Variants in PTPRD observed in about 807,000 individuals in gnomAD.
The protein encoded by PTPRD is receptor-type tyrosine-protein phosphatase delta.
Under a neutral mutation model 214.5 loss-of-function variants are expected in PTPRD, and 34 were observed. The ratio of observed to expected loss-of-function variants is 0.16; its 90% confidence interval spans 0.12 to 0.21. PTPRD has a LOEUF of 0.21. PTPRD is among the 10% of genes least tolerant of loss of function. The pLI, the probability that PTPRD is intolerant of heterozygous loss-of-function variation, is 1.00. For synonymous variants in PTPRD, 1,128 were observed against 845.7 expected, an observed-to-expected ratio of 1.33 and a Z score of -5.79; for missense variants, 2,545 against 2,398.7, an observed-to-expected ratio of 1.06 and a Z score of -1.27.
chr9:9,533,035 G>T (rs1423298202), intron 8 of PTPRD, among the ~76,000 whole-genome samples: 1 of 152,078 alleles, frequency 6.6e-6, no homozygotes, highest in Non-Finnish European at 1.5e-5. Flanking sequence ...AACATCCTTG[G>T]CTTTTTTATG....
chr9:10,155,087 G>A (rs574040977), intron 3 of PTPRD, among the ~76,000 whole-genome samples: 1 of 152,080 alleles, frequency 6.6e-6, no homozygotes, highest in South Asian at 2.1e-4. Context: ...AGCATAGAAT[G>A]TTTCTCCATT....
chr9:8,447,448 T>C (rs1372239478), intron 34 of PTPRD, among the ~76,000 whole-genome samples: 4 of 152,230 alleles, frequency 2.6e-5, no homozygotes, highest in Non-Finnish European at 4.4e-5. Flanking sequence ...TATAAATGGA[T>C]ATAATATTCC....
rs572498285 is a variant in PTPRD, at chr9:9,278,367, A to G, written c.-202-95004T>C. Among the ~76,000 whole-genome samples the G allele has an allele frequency of 4.6e-5, 7 of 151,454 alleles. No homozygotes were observed. In the Admixed American group the frequency reaches 4.6e-4, roughly 10 times the overall value. The stretch of plus-strand genomic sequence containing the variant: ...TGACTGTATTCTTATATACAGTGGG[A>G]AATTCACTACACAGCCTTATAAAAT... On this transcript the variant is annotated intron_variant, in intron 9 of 45. Transcript: ENST00000381196.
At chr9:8,657,312 C>A (rs984065746) in intron 12 of PTPRD, among the ~76,000 whole-genome samples, 2 of 151,824 alleles carry the variant, frequency 1.3e-5, no homozygotes, top group African/African-American at 4.8e-5. Flanking sequence ...GAATTACAGG[C>A]ACCCACCACC....
intron 7 of PTPRD, among the ~76,000 whole-genome samples, chr9:9,707,190 G>C (rs548659647): frequency 6.6e-6 from 1 of 152,132 alleles, no homozygotes; most frequent in South Asian, 2.1e-4. Flanking sequence ...TTTAAAAATG[G>C]TATTTATGTA....
intron 2 of PTPRD, among the ~76,000 whole-genome samples, chr9:10,578,423 T>A (rs940095099): frequency 1.3e-5 from 2 of 152,116 alleles, no homozygotes; most frequent in African/African-American, 4.8e-5. Flanking sequence ...TAGGGGTTCT[T>A]ACAAATTTTT....
rs537511758 is a variant in PTPRD at position 9,964,282 on chromosome 9, T to G, written c.-471-25672A>C. 7.9e-5 allele frequency among the ~76,000 whole-genome samples: 12 copies of G among 152,286 alleles called. No homozygotes were observed. The South Asian group carries it at 2.1e-3, about 26-fold the overall frequency. On this transcript the variant is annotated intron_variant, in intron 4 of 45. Coordinates refer to ENST00000381196, the MANE Select transcript of PTPRD (RefSeq NM_002839.4). ...TAACCGCTACTAGGACAAGAAAGAA[T>G]GTAATAGCAGGCTTGTTAGAAATAC... is the stretch of plus-strand genomic sequence containing the variant.
At chr9:8,686,791 A>G (rs897675247) in intron 12 of PTPRD, among the ~76,000 whole-genome samples, 9 of 152,338 alleles carry the variant, frequency 5.9e-5, no homozygotes, top group African/African-American at 1.9e-4. Context: ...GGAAGCCAAA[A>G]TAAGTTTTGA....
intron 39 of PTPRD, among the ~76,000 whole-genome samples, chr9:8,358,594 C>G (rs1174840951): frequency 6.6e-6 from 1 of 152,094 alleles, no homozygotes. Flanking sequence ...ATGATACTGT[C>G]AGCAAAATAC....
At chr9:8,880,917 G>A (rs925809526) in intron 11 of PTPRD, among the ~76,000 whole-genome samples, 15 of 151,982 alleles carry the variant, frequency 9.9e-5, no homozygotes, top group East Asian at 7.7e-4. Context: ...TACCATGCCC[G>A]GCTTATTAAA....
chr9:9,806,262 T>G (rs1417693146), intron 5 of PTPRD, among the ~76,000 whole-genome samples: 2 of 150,714 alleles, frequency 1.3e-5, no homozygotes, highest in Non-Finnish European at 2.9e-5. Context: ...AATAGTTGGT[T>G]GTAGACAGTG....
intron 9 of PTPRD, among the ~76,000 whole-genome samples, chr9:9,390,102 C>T (rs1207776755): frequency 6.6e-6 from 1 of 152,104 alleles, no homozygotes; most frequent in Admixed American, 6.5e-5. Flanking sequence ...GAAAGCACTC[C>T]AGGTACAGAG....
chr9:8,563,909 G>T (rs2087624909), intron 14 of PTPRD, among the ~76,000 whole-genome samples: 1 of 152,210 alleles, frequency 6.6e-6, no homozygotes, highest in Non-Finnish European at 1.5e-5. Flanking sequence ...AAGTGAATCT[G>T]CCTGACTTGG....
intron 3 of PTPRD, among the ~76,000 whole-genome samples, chr9:10,205,367 CTTTAT>C (rs199568529): frequency 0.039 from 5,713 of 148,116 alleles, 325 homozygotes; most frequent in African/African-American, 0.12. Flanking sequence ...TCTTCTTCTT[CTTTAT>C]TTTATTTTAT....
At chr9:8,713,746 C>G in intron 12 of PTPRD, 2 of 1,510,484 alleles carry the variant, frequency 1.3e-6, no homozygotes, top group Non-Finnish European at 1.8e-6. Context: ...CAAGCAGTTC[C>G]ACGACTGCAA....
At chr9:10,591,879 C>G (rs80269461) in intron 2 of PTPRD, among the ~76,000 whole-genome samples, 4,116 of 152,202 alleles carry the variant, frequency 0.027, 111 homozygotes, top group East Asian at 0.095. Flanking sequence ...GTAGTTGAGA[C>G]ATGGATCCTC....
At chr9:9,079,001 C>G (rs1018787165) in intron 10 of PTPRD, among the ~76,000 whole-genome samples, 11 of 151,918 alleles carry the variant, frequency 7.2e-5, no homozygotes, top group African/African-American at 2.4e-4. Flanking sequence ...GTATAGTGAT[C>G]AGATCAGGGT....
chr9:10,061,453 A>G (rs1449023465), intron 3 of PTPRD, among the ~76,000 whole-genome samples: 1 of 152,070 alleles, frequency 6.6e-6, no homozygotes, highest in Non-Finnish European at 1.5e-5. Flanking sequence ...GCCTTCTCAC[A>G]TCACACACAT....
intron 8 of PTPRD, among the ~76,000 whole-genome samples, chr9:9,548,167 T>C (rs1048467767): frequency 6.6e-6 from 1 of 151,782 alleles, no homozygotes; most frequent in African/African-American, 2.4e-5. Flanking sequence ...ATGAAAATGA[T>C]ACTAGATAGA....
Sources: gnomAD v4.1 joint callset for allele counts (sites outside exome capture counted in the v4.1 genomes callset) on GRCh38, gnomAD v4.1.1 for gene constraint, MANE v1.5 for transcripts, NCBI Gene and HGNC (gene_info 2026-07-23, HGNC 2026-07-21) for gene names.